Variants in PRPF4 observed in about 807,000 individuals in gnomAD.
PRPF4 encodes pre-mRNA splicing tri-snRNP complex factor PRPF4.
Under a neutral mutation model 72.2 loss-of-function variants are expected in PRPF4, and 14 were observed. The ratio of observed to expected loss-of-function variants is 0.19; its 90% confidence interval spans 0.13 to 0.30. The LOEUF (loss-of-function observed/expected upper bound fraction) is 0.30, where lower values mean the gene tolerates loss of function less well. Ranked by LOEUF, PRPF4 falls within the 10% of genes least tolerant of loss-of-function variation. PRPF4 has a pLI of 1.00. For synonymous variants in PRPF4, 225 were observed against 232.2 expected (o/e 0.97, Z 0.28); for missense variants, 478 against 653.9 (o/e 0.73, Z 2.93).
chr9:113,278,703 T>C (rs897350898), intron 2 of PRPF4, among the ~76,000 whole-genome samples: 1 of 152,246 alleles, frequency 6.6e-6, no homozygotes, highest in Non-Finnish European at 1.5e-5. Context: ...AGTGTGTGTT[T>C]ATATAGGCAC....
Position 113,279,020 on chromosome 9 carries a change from G to A in PRPF4, c.281G>A (p.Arg94Gln), listed in dbSNP as rs1346629180. ...EVLAEFERRK[R>Q]ARQINVSTDD... ...TTGGCTGAGTTTGAGAGAAGGAAGC[G>A]AGCCCGGCAGATCAATGTTTCCACA... is the stretch of plus-strand genomic sequence containing the variant. The change falls in exon 3 of 14, where the codon CGA (arginine) becomes CAA (glutamine). Residue 94 changes from arginine (R) to glutamine (Q), a missense_variant. Coordinates refer to ENST00000374198, the MANE Select transcript of PRPF4 (RefSeq NM_001244926.2). 6.2e-7 allele frequency: 1 copy of A among 1,614,210 alleles called. No homozygotes were observed. Among genetic ancestry groups the A allele is most frequent in the South Asian group, 1.1e-5 (1 of 91,090 alleles).
chr9:113,290,171 G>C (rs10981718), intron 10 of PRPF4, among the ~76,000 whole-genome samples: 10,744 of 151,830 alleles, frequency 0.071, 676 homozygotes, highest in East Asian at 0.31. Context: ...AGTGAGCCAA[G>C]ATTGCGCCAC....
chr9:113,279,546 A>AT (rs1404727937), intron 3 of PRPF4, among the ~76,000 whole-genome samples: 1 of 151,514 alleles, frequency 6.6e-6, no homozygotes. Context: ...ATTTTTAGTT[A>AT]TTTTTTATAT....
chr9:113,285,200 G>A (rs1304193562), intron 7 of PRPF4, among the ~76,000 whole-genome samples: 1 of 151,428 alleles, frequency 6.6e-6, no homozygotes, highest in Non-Finnish European at 1.5e-5. Context: ...AAAATAAGAA[G>A]TCTCTAAAAA....
intron 6 of PRPF4, 136 bp downstream of exon 6, chr9:113,283,618 T>G: frequency 1.2e-6 from 1 of 806,640 alleles, no homozygotes; most frequent in Admixed American, 2.7e-5. Context: ...TGCTGTGACA[T>G]GGAAGGAGCC....
chr9:113,285,950 T>A (rs1308806073), intron 7 of PRPF4, among the ~76,000 whole-genome samples: 1 of 152,142 alleles, frequency 6.6e-6, no homozygotes, highest in East Asian at 1.9e-4. Context: ...TATTATTGGA[T>A]AGTTTAATTT....
rs41276781 is a variant in PRPF4 at position 113,287,990 on chromosome 9, C to A, written c.933-185C>A. ...ATCTCTTCCAAAGCATGTTTTCTTTCTAGAATCCAGGTACTCCTTTGGTGC... is the reference window on the plus strand; with the variant it reads ...ATCTCTTCCAAAGCATGTTTTCTTTATAGAATCCAGGTACTCCTTTGGTGC... On this transcript the variant is annotated intron_variant, in intron 9 of 13. Transcript: ENST00000374198. Among the ~76,000 whole-genome samples, 324 of 152,316 alleles carry A rather than the reference C, an allele frequency of 2.1e-3. 2 individuals carry two copies. Among genetic ancestry groups the A allele is most frequent in the Non-Finnish European group, 2.6e-3 (174 of 68,026 alleles).
chr9:113,288,765 GA>G (rs1832525358), intron 10 of PRPF4, among the ~76,000 whole-genome samples: 1 of 152,056 alleles, frequency 6.6e-6, no homozygotes, highest in Non-Finnish European at 1.5e-5. Flanking sequence ...CAATTAATCT[GA>G]AATTTCAGAG....
chr9:113,288,881 A>G (rs1281441815), intron 10 of PRPF4, among the ~76,000 whole-genome samples: 1 of 152,234 alleles, frequency 6.6e-6, no homozygotes, highest in African/African-American at 2.4e-5. Flanking sequence ...AATCTGTTAG[A>G]GAACTTTTCC....
In PRPF4 at chr9:113,281,566, CT is replaced by C. The variant is rs1324098555; in HGVS notation, c.393-1077del. ...CCTCCTGAGCGTGGCATTAGCAATT[CT>C]TTGTGACCTGGCTCCTCCTTGCATT... On this transcript the variant is annotated intron_variant, in intron 3 of 13. Coordinates refer to ENST00000374198, the MANE Select transcript of PRPF4 (RefSeq NM_001244926.2). 4.6e-5 allele frequency among the ~76,000 whole-genome samples: 7 copies of C among 152,194 alleles called. No homozygotes were observed. The East Asian group carries it at 1.3e-3, about 29-fold the overall frequency.
At chr9:113,285,856 CTG>C (rs1440636856) in intron 7 of PRPF4, among the ~76,000 whole-genome samples, 1 of 151,578 alleles carries the variant, frequency 6.6e-6, no homozygotes, top group Admixed American at 6.6e-5. Flanking sequence ...CAGAGTGACA[CTG>C]TTTCTCAAAA....
chr9:113,279,948 G>T (rs938465656), intron 3 of PRPF4, among the ~76,000 whole-genome samples: 4 of 152,096 alleles, frequency 2.6e-5, no homozygotes, highest in Non-Finnish European at 5.9e-5. Flanking sequence ...CAATTATGAG[G>T]AGCCCCTCTG....
intron 3 of PRPF4, among the ~76,000 whole-genome samples, chr9:113,282,048 G>A (rs966539371): frequency 1.3e-5 from 2 of 152,206 alleles, no homozygotes; most frequent in African/African-American, 2.4e-5. Flanking sequence ...TGGTAGCAGT[G>A]TAGGGGCTCA....
chr9:113,288,440 CTT>C (rs36114176), intron 10 of PRPF4, among the ~76,000 whole-genome samples, 176 bp downstream of exon 10: 49 of 144,206 alleles, frequency 3.4e-4, no homozygotes, highest in Non-Finnish European at 3.9e-4. Context: ...GTATATTTGC[CTT>C]TTTTTTTTTT....
chr9:113,285,236 C>T (rs1415964778), intron 7 of PRPF4, among the ~76,000 whole-genome samples: 3 of 151,318 alleles, frequency 2.0e-5, no homozygotes, highest in Non-Finnish European at 2.9e-5. Flanking sequence ...GCCATGGTGG[C>T]TCACACTTGT....
At chr9:113,283,958 C>T (rs527295151) in intron 6 of PRPF4, among the ~76,000 whole-genome samples, 3 of 151,008 alleles carry the variant, frequency 2.0e-5, no homozygotes, top group East Asian at 3.9e-4. Flanking sequence ...ATCCCAGGTA[C>T]TTGGGAGGCT....
At chr9:113,282,625 C>CT (rs199502579) in intron 3 of PRPF4, 21 bp from the exon 4 acceptor site, 178,119 of 1,178,734 alleles carry the variant, frequency 0.15, 120 homozygotes, top group East Asian at 0.27. Context: ...AAATTCTGAT[C>CT]TTTTTTTTTT....
intron 1 of PRPF4, 148 bp downstream of exon 1, chr9:113,275,918 AC>A: frequency 9.1e-7 from 1 of 1,093,192 alleles, no homozygotes; most frequent in Non-Finnish European, 1.3e-6. Context: ...TACACAGCGG[AC>A]CACCGTTTTC....
intron 13 of PRPF4, among the ~76,000 whole-genome samples, 181 bp downstream of exon 13, chr9:113,291,197 C>T (rs955961649): frequency 2.6e-5 from 4 of 152,166 alleles, no homozygotes; most frequent in African/African-American, 2.4e-5. Context: ...TGGGAAAGCA[C>T]GCTTCTCGTT....
Sources: gnomAD v4.1 joint callset for allele counts (sites outside exome capture counted in the v4.1 genomes callset) on GRCh38, gnomAD v4.1.1 for gene constraint, MANE v1.5 for transcripts, NCBI Gene and HGNC (gene_info 2026-07-23, HGNC 2026-07-21) for gene names.